The following MUC5B variants were observed in gnomAD, a reference collection of about 807,000 sequenced individuals.
MUC5B encodes mucin-5B.
A neutral mutation model predicts 376.9 loss-of-function variants in MUC5B; 116 were observed. That is an observed-to-expected ratio of 0.31 (90% confidence interval 0.26 to 0.36). MUC5B has a LOEUF of 0.36. Ranked by LOEUF, MUC5B falls within the 10% of genes least tolerant of loss-of-function variation. MUC5B has a pLI of 1.00. For synonymous variants in MUC5B, 3,517 were observed against 3,390.9 expected, an observed-to-expected ratio of 1.04 and a Z score of -1.29; for missense variants, 7,165 against 7,769.9, an observed-to-expected ratio of 0.92 and a Z score of 2.93.
chr11:1,235,536 T>C (rs917142951), intron 23 of MUC5B, 123 bp downstream of exon 23: 14 of 828,202 alleles, frequency 1.7e-5, no homozygotes, highest in Non-Finnish European at 2.7e-5. Context: ...CCCGGGCTGC[T>C]GTTCCAAGCA....
In MUC5B at chr11:1,232,786, G is replaced by A; in HGVS notation, c.2065+16G>A. ...GGCGTCTGCAGTGAGTGCCCACGCT[G>A]GGGGTGGGATGTGTCCACACCGCGT... On this transcript the variant is annotated intron_variant, in intron 17 of 48. Transcript: ENST00000529681. The A allele has an allele frequency of 6.3e-7, 1 of 1,582,262 alleles. No individual in the cohort carries two copies. Among genetic ancestry groups the A allele is most frequent in the Non-Finnish European group, 8.6e-7 (1 of 1,162,516 alleles).
Position 1,229,149 on chromosome 11 carries a change from GC to G in MUC5B, c.977-17del. The G allele has an allele frequency of 6.4e-7, 1 of 1,563,588 alleles. No homozygotes were observed. On this transcript the variant is annotated intron_variant, in intron 8 of 48. Coordinates refer to ENST00000529681, the MANE Select transcript of MUC5B (RefSeq NM_002458.3). Reference sequence around the variant, plus strand: ...AGTACAGGGCCCTTCCCCTGGCCCAGCCCCACCTCCTTTTGCGCAGCCCGGA... The same window carrying G: ...AGTACAGGGCCCTTCCCCTGGCCCAGCCCACCTCCTTTTGCGCAGCCCGGA...
rs1862818029 is a variant in MUC5B, at chr11:1,255,533, G to A, written c.16041G>A (p.Trp5347Ter). Residue 5347 changes from tryptophan to a stop codon, truncating the protein, a stop_gained, in exon 37 of 49, where the codon TGG (tryptophan) becomes TGA (stop). Transcript: ENST00000529681. LOFTEE classifies it high-confidence loss of function. Reference protein sequence around the residue: ...LCRARGVCSDWRGATGGLCDL... With the variant: ...LCRARGVCSD ...GCGCCCGGGGAGTGTGCAGTGACTG[G>A]CGAGGTGCAACCGGTGGCCTGTGCG... The A allele has an allele frequency of 6.5e-7, 1 of 1,540,902 alleles. No individual in the cohort carries two copies. The highest frequency in any genetic ancestry group is 8.8e-7 in the Non-Finnish European group (1 of 1,140,484).
chr11:1,229,389 T>A, intron 9 of MUC5B, 94 bp downstream of exon 9: 1 of 1,380,938 alleles, frequency 7.2e-7, no homozygotes, highest in Non-Finnish European at 9.6e-7. Flanking sequence ...GCAGAGCCCC[T>A]CATGCCAGAA....
chr11:1,226,576 GC>G (rs747780630), intron 3 of MUC5B, 38 bp from the exon 4 acceptor site: 7 of 1,582,036 alleles, frequency 4.4e-6, no homozygotes, highest in Non-Finnish European at 5.2e-6. Context: ...CCCGTGGGGG[GC>G]TGGCATGGGG....
chr11:1,254,873 C>T lies in MUC5B; in HGVS notation c.15657C>T (p.Gly5219=). 6.2e-7 allele frequency: 1 copy of T among 1,610,954 alleles called. No homozygotes were observed. Among genetic ancestry groups the T allele is most frequent in the Non-Finnish European group, 8.5e-7 (1 of 1,179,508 alleles). ...GCCTCTTCCACAACAACACCGAGGG[C>T]CAGTGCGGTGAGTGGGCGGCGGGTC... ...PYSLFHNNTE[G]QCGTCTNNQR... The change falls in exon 35 of 49, where the codon GGC becomes GGT. Residue 5219 remains glycine (G), a synonymous_variant. Transcript: ENST00000529681.
rs1862684016 is a variant in MUC5B, at chr11:1,251,317, C to G, written c.14437C>G (p.Leu4813Val). The G allele has an allele frequency of 1.2e-6, 2 of 1,611,016 alleles. No homozygotes were observed. Among genetic ancestry groups the G allele is most frequent in the Non-Finnish European group, 1.7e-6 (2 of 1,177,966 alleles). Residue 4813 changes from leucine (L) to valine (V), a missense_variant, in exon 31 of 49, where the codon CTG becomes GTG. Transcript: ENST00000529681. ...TNSTATPSSTLGTTRILTELT... is the reference protein window; with the variant it reads ...TNSTATPSSTVGTTRILTELT... ...TTCCACGGCCACACCCTCCTCCACTCTGGGGACGACCCGGATCCTCACTGA... is the reference window on the plus strand; with the variant it reads ...TTCCACGGCCACACCCTCCTCCACTGTGGGGACGACCCGGATCCTCACTGA...
At chr11:1,238,701 G>C (rs1351255254) in intron 25 of MUC5B, among the ~76,000 whole-genome samples, 170 bp from the exon 26 acceptor site, 1 of 152,154 alleles carries the variant, frequency 6.6e-6, no homozygotes, top group African/African-American at 2.4e-5. Flanking sequence ...AAGTGCTGGG[G>C]CAGCTCCCAT....
chr11:1,228,927 G>C (rs914976010), intron 8 of MUC5B, among the ~76,000 whole-genome samples, 162 bp downstream of exon 8: 9 of 152,046 alleles, frequency 5.9e-5, no homozygotes, highest in African/African-American at 2.2e-4. Flanking sequence ...ACCCCAGGAG[G>C]GGGTGGGGCC....
rs1026355923 is a variant in MUC5B at position 1,234,106 on chromosome 11, G to A, written c.2378-99G>A. ...TCATGGAAGCTTTGGCTCGGGGGCT[G>A]TTAACTTGATCAGCAGGACAGGCTC... On this transcript the variant is annotated intron_variant, in intron 19 of 48. Transcript: ENST00000529681. The surrounding 1 kb of genome is among the most constrained non-coding windows in gnomAD (Gnocchi z 6.3). 3 of 1,053,598 alleles carry A rather than the reference G, an allele frequency of 2.8e-6. No individual in the cohort carries two copies. Among genetic ancestry groups the A allele is most frequent in the Non-Finnish European group, 4.3e-6 (3 of 705,616 alleles). The allele number at this position is 1,053,598 out of a possible 1,614,324, so 65.3% of individuals were successfully genotyped here. A position where few individuals can be genotyped will look rare whatever the true frequency, so the allele number is the denominator to read the frequency against.
Position 1,245,827 on chromosome 11 carries a change from C to T in MUC5B, c.8947C>T (p.Pro2983Ser). 6.2e-7 allele frequency: 1 copy of T among 1,613,530 alleles called. No individual in the cohort carries two copies. Residue 2983 changes from proline (P) to serine (S), a missense_variant, in exon 31 of 49, where the codon CCC (proline) becomes TCC (serine). Coordinates refer to ENST00000529681, the MANE Select transcript of MUC5B (RefSeq NM_002458.3). ...STPATSSTAT[P>S]SSTPGTTWIL... ...CCCGGCCACCAGCTCTACGGCCACGCCCTCCTCCACTCCAGGGACGACCTG... is the reference window on the plus strand; with the variant it reads ...CCCGGCCACCAGCTCTACGGCCACGTCCTCCTCCACTCCAGGGACGACCTG...
Position 1,249,365 on chromosome 11 carries a change from G to C in MUC5B, c.12485G>C (p.Gly4162Ala), listed in dbSNP as rs1177387614. The C allele has an allele frequency of 6.2e-7, 1 of 1,610,970 alleles. No individual in the cohort carries two copies. Among genetic ancestry groups the C allele is most frequent in the South Asian group, 1.1e-5 (1 of 90,972 alleles). Residue 4162 changes from glycine to alanine, a missense_variant, in exon 31 of 49, where the codon GGA (glycine) becomes GCA (alanine). Coordinates refer to ENST00000529681, the MANE Select transcript of MUC5B (RefSeq NM_002458.3). ...ACCTACTCCAACATCCGTGCGGCCG[G>C]AGGGGCCGTCTGTGAGCAGCCCCTG... ...FDTYSNIRAA[G>A]GAVCEQPLGL...
chr11:1,249,802 C>A lies in MUC5B; in HGVS notation c.12922C>A (p.Leu4308Ile). 6.2e-7 allele frequency: 1 copy of A among 1,613,582 alleles called. No individual in the cohort carries two copies. The change falls in exon 31 of 49, where the codon CTT (leucine) becomes ATT (isoleucine). Residue 4308 changes from leucine to isoleucine, a missense_variant. Leu to Ile is a conservative substitution (Grantham distance 5, BLOSUM62 2). Coordinates refer to ENST00000529681, the MANE Select transcript of MUC5B (RefSeq NM_002458.3). ...SSSSPRTATT[L>I]PVLTSTATKS... ...CTCCAGTCCAAGGACTGCAACCACCCTTCCAGTGCTGACAAGCACAGCCAC... is the reference window on the plus strand; with the variant it reads ...CTCCAGTCCAAGGACTGCAACCACCATTCCAGTGCTGACAAGCACAGCCAC...
rs779071759 is a variant in MUC5B at position 1,242,951 on chromosome 11, C to G, written c.6071C>G (p.Thr2024Ser). 7 of 1,613,126 alleles carry G rather than the reference C, an allele frequency of 4.3e-6. No individual in the cohort carries two copies. In the South Asian group the frequency reaches 6.6e-5, roughly 15 times the overall value. ...PETAHTSTVL[T>S]ATATTTGATG... ...ACTGCCCACACCTCCACAGTGCTTACCGCCACGGCCACCACAACTGGGGCC... is the reference window on the plus strand; with the variant it reads ...ACTGCCCACACCTCCACAGTGCTTAGCGCCACGGCCACCACAACTGGGGCC... Residue 2024 changes from threonine to serine, a missense_variant, in exon 31 of 49, where the codon ACC becomes AGC. Thr to Ser is a moderately conservative substitution (Grantham distance 58). Around this residue, in one of 31 missense-constraint regions of MUC5B, gnomAD observed 897 missense variants for 779.6 expected, o/e 1.15. Coordinates refer to ENST00000529681, the MANE Select transcript of MUC5B (RefSeq NM_002458.3).
intron 33 of MUC5B, 58 bp from the exon 34 acceptor site, chr11:1,254,034 C>T: frequency 6.4e-7 from 1 of 1,568,726 alleles, no homozygotes; most frequent in Non-Finnish European, 8.6e-7. Flanking sequence ...TGCCATGACG[C>T]CTGGGGAGCG....
chr11:1,223,563 T>C (rs913815625), intron 1 of MUC5B, among the ~76,000 whole-genome samples: 14 of 151,918 alleles, frequency 9.2e-5, no homozygotes, highest in Non-Finnish European at 2.9e-5. Flanking sequence ...GGCATCAGAG[T>C]GAGCAGGGGC....
intron 2 of MUC5B, among the ~76,000 whole-genome samples, 169 bp downstream of exon 2, chr11:1,225,906 A>G (rs1320005565): frequency 6.6e-6 from 1 of 152,234 alleles, no homozygotes; most frequent in Non-Finnish European, 1.5e-5. Flanking sequence ...TTGGTGCTCC[A>G]AAGAAGAGGA....
Position 1,234,369 on chromosome 11 carries a change from C to A in MUC5B, c.2478+64C>A. On this transcript the variant is annotated intron_variant, in intron 20 of 48. Coordinates refer to ENST00000529681, the MANE Select transcript of MUC5B (RefSeq NM_002458.3). This position sits in a 1 kb window ranked among gnomAD's most constrained non-coding sequence, Gnocchi z 6.3. ...GGTCCCAGCTTTCCCAGCTCCCGAGCCCAGGGATCTGGTGGTCCTGGAGAC... is the reference window on the plus strand; with the variant it reads ...GGTCCCAGCTTTCCCAGCTCCCGAGACCAGGGATCTGGTGGTCCTGGAGAC... 6.6e-7 allele frequency: 1 copy of A among 1,516,988 alleles called. No individual in the cohort carries two copies. The highest frequency in any genetic ancestry group is 9.0e-7 in the Non-Finnish European group (1 of 1,116,646). The allele number at this position is 1,516,988 out of a possible 1,614,324, so 94.0% of individuals were successfully genotyped here. A position where few individuals can be genotyped will look rare whatever the true frequency, so the allele number is the denominator to read the frequency against.
chr11:1,242,993 C>T lies in MUC5B; in HGVS notation c.6113C>T (p.Thr2038Ile), dbSNP rs368791411. The T allele has an allele frequency of 6.6e-4, 1,059 of 1,612,958 alleles. 20 individuals are homozygous for T. In the East Asian group the frequency reaches 0.022, roughly 33 times the overall value. Residue 2038 changes from threonine to isoleucine, a missense_variant, in exon 31 of 49, where the codon ACC (threonine) becomes ATC (isoleucine). Physicochemically the swap from Thr to Ile is moderately conservative, Grantham distance 89. This residue lies in a region of MUC5B where 897 missense variants were observed against 779.6 expected (regional missense o/e 1.15). Transcript: ENST00000529681. ...TTTGATGSVA[T>I]PSSTPGTAHT... is the part of the protein sequence containing the mutation. ...ACTGGGGCCACCGGCTCTGTGGCCACCCCCTCCTCCACCCCAGGAACAGCT... is the reference window on the plus strand; with the variant it reads ...ACTGGGGCCACCGGCTCTGTGGCCATCCCCTCCTCCACCCCAGGAACAGCT...
Sources: allele counts gnomAD v4.1 joint callset (sites outside exome capture counted in the v4.1 genomes callset), GRCh38; gene constraint gnomAD v4.1.1; regional missense constraint gnomAD v4.1.1; non-coding constraint Gnocchi (gnomAD v3.1); transcripts MANE v1.5; gene names NCBI Gene and HGNC (gene_info 2026-07-23, HGNC 2026-07-21).